The following PPDPFL variants were observed in gnomAD, a reference collection of about 807,000 sequenced individuals.
The protein encoded by PPDPFL is pancreatic progenitor cell differentiation and proliferation factor-like protein.
In PPDPFL, 12 loss-of-function variants were observed where a neutral mutation model predicts 12.6. The ratio of observed to expected loss-of-function variants is 0.95; its 90% CI spans 0.61 to 1.54. The LOEUF (loss-of-function observed/expected upper bound fraction) is 1.54, where lower values mean the gene tolerates loss of function less well. Among genes scored for constraint, PPDPFL ranks in the 40% most tolerant of loss-of-function variants. The pLI is 0.00. For missense variants in PPDPFL, 114 were observed against 96.0 expected, an observed-to-expected ratio of 1.19 and a Z score of -0.78; for synonymous variants, 24 against 32.7, an observed-to-expected ratio of 0.73 and a Z score of 0.91.
chr8:49,068,326 T>A (rs577585119), upstream of PPDPFL, among the ~76,000 whole-genome samples: 32 of 152,184 alleles, frequency 2.1e-4, no homozygotes, highest in African/African-American at 7.5e-4. Flanking sequence ...CTGAACACCA[T>A]GATGCCACTA....
chr8:49,074,819 A>G (rs1019009297), intron 4 of PPDPFL: 4 of 1,418,554 alleles, frequency 2.8e-6, no homozygotes, highest in Admixed American at 6.0e-5. Context: ...TGACTAGCAC[A>G]GTTGTAATTT....
chr8:49,074,221 T>C lies in PPDPFL; in HGVS notation c.134-13T>C. The C allele has an allele frequency of 6.2e-7, 1 of 1,612,864 alleles. No homozygotes were observed. The highest frequency in any genetic ancestry group is 8.5e-7 in the Non-Finnish European group (1 of 1,178,878). ...TTTGTTTGATAAGGAGTAACATGAA[T>C]TTTATTTAATAGGGTTGCCTGAAGT... On this transcript the variant is annotated splice_polypyrimidine_tract_variant and intron_variant, in intron 3 of 4. Transcript: ENST00000522267.
upstream of PPDPFL, among the ~76,000 whole-genome samples, chr8:49,068,138 C>T (rs11783904): frequency 0.16 from 25,024 of 152,162 alleles, 2,654 homozygotes; most frequent in Non-Finnish European, 0.24. Flanking sequence ...TTTTTAGAAC[C>T]TAAACTACCA....
intron 1 of PPDPFL, among the ~76,000 whole-genome samples, chr8:49,060,850 C>T (rs376185632): frequency 1.3e-5 from 2 of 152,032 alleles, no homozygotes; most frequent in African/African-American, 2.4e-5. Context: ...GCATACATTT[C>T]GTGTTTGAAA....
intron 2 of PPDPFL, 31 bp downstream of exon 2, chr8:49,072,916 G>T (rs537515453): frequency 6.4e-7 from 1 of 1,565,214 alleles, no homozygotes; most frequent in Non-Finnish European, 8.7e-7. Flanking sequence ...GACGTCCCTA[G>T]ATAATATGAT....
At chr8:49,062,655 C>G (rs1808230941) in intron 1 of PPDPFL, among the ~76,000 whole-genome samples, 1 of 152,126 alleles carries the variant, frequency 6.6e-6, no homozygotes, top group Admixed American at 6.5e-5. Context: ...GGCACTTAAT[C>G]ATCAGAAGCT....
intron 1 of PPDPFL, among the ~76,000 whole-genome samples, chr8:49,064,834 G>T (rs1808269395): frequency 6.6e-6 from 1 of 152,134 alleles, no homozygotes; most frequent in South Asian, 2.1e-4. Flanking sequence ...GAGTAATATA[G>T]ATCGGGGGAA....
chr8:49,061,142 A>C (rs1215459265), intron 1 of PPDPFL, among the ~76,000 whole-genome samples: 1 of 152,106 alleles, frequency 6.6e-6, no homozygotes, highest in Non-Finnish European at 1.5e-5. Flanking sequence ...CATGGGCTAT[A>C]CCGTGTCCCT....
At chr8:49,063,482 G>T (rs1283536879) in intron 1 of PPDPFL, among the ~76,000 whole-genome samples, 2 of 152,194 alleles carry the variant, frequency 1.3e-5, no homozygotes, top group Non-Finnish European at 2.9e-5. Flanking sequence ...CACTTTGGGA[G>T]GCTGTGGCAG....
In PPDPFL at chr8:49,074,056, C is replaced by T. The variant is rs1226713931; in HGVS notation, c.56-3C>T. On this transcript the variant is annotated splice_polypyrimidine_tract_variant and splice_region_variant and intron_variant, in intron 2 of 4. Transcript: ENST00000522267. ...TTTGTTTAATATCATTTGTTTCCTA[C>T]AGAGTCCAGTGTTTCTTCAGTTAGT... The T allele has an allele frequency of 3.1e-6, 5 of 1,603,526 alleles. No homozygotes were observed. The highest frequency in any genetic ancestry group is 3.3e-5 in the Admixed American group (2 of 59,872).
chr8:49,057,089 T>C (rs1387748402), intron 1 of PPDPFL, among the ~76,000 whole-genome samples: 1 of 152,176 alleles, frequency 6.6e-6, no homozygotes, highest in Non-Finnish European at 1.5e-5. Context: ...TTTTGAAAGC[T>C]TGTGACATAT....
At chr8:49,074,397 A>G (rs1230468702) in intron 4 of PPDPFL, 64 bp downstream of exon 4, 6 of 1,586,730 alleles carry the variant, frequency 3.8e-6, no homozygotes, top group East Asian at 4.5e-5. Flanking sequence ...TGCATATGGT[A>G]TGTGTTATGC....
chr8:49,054,969 A>T (rs1808090215), intron 1 of PPDPFL, among the ~76,000 whole-genome samples: 1 of 152,116 alleles, frequency 6.6e-6, no homozygotes, highest in South Asian at 2.1e-4. Flanking sequence ...TGTGCTTTTA[A>T]TTCTGGCTGA....
At position 49,074,186 on chromosome 8, in the gene PPDPFL, C is replaced by T. The variant is rs746571193; in HGVS notation, c.134-48C>T. 37 of 1,602,470 alleles carry T rather than the reference C, an allele frequency of 2.3e-5. No individual in the cohort carries two copies. The South Asian group carries it at 3.6e-4, about 16-fold the overall frequency. On this transcript the variant is annotated intron_variant, in intron 3 of 4. Coordinates refer to ENST00000522267, the MANE Select transcript of PPDPFL (RefSeq NM_001256597.2). ...CATCCTTATTATTTCTTTTTATTTT[C>T]AATCTCAAATTTGTTTGATAAGGAG...
intron 1 of PPDPFL, among the ~76,000 whole-genome samples, chr8:49,060,309 GT>G (rs1422973020): frequency 1.3e-5 from 2 of 151,772 alleles, no homozygotes; most frequent in African/African-American, 4.8e-5. Context: ...TCTGTTTTTT[GT>G]TTGTTTGTTT....
intron 1 of PPDPFL, among the ~76,000 whole-genome samples, chr8:49,057,176 T>C (rs972469399): frequency 6.6e-6 from 1 of 152,250 alleles, no homozygotes; most frequent in African/African-American, 2.4e-5. Context: ...TGCATTGTTT[T>C]AGCGAATGCA....
At position 49,060,127 on chromosome 8, in the gene PPDPFL, C is replaced by A. The variant is rs533899970; in HGVS notation, c.-45+5758C>A. ...GAGTACAGTAAAATAAATATTACTG[C>A]TAAAGCTATTCTTTTTTGTATGTGT... On this transcript the variant is annotated intron_variant, in intron 1 of 4. Coordinates refer to the PPDPFL transcript ENST00000517663. 2.1e-4 allele frequency among the ~76,000 whole-genome samples: 32 copies of A among 152,240 alleles called. 1 individual carries two copies. The highest frequency in any genetic ancestry group is 7.2e-4 in the African/African-American group (30 of 41,544).
chr8:49,074,371 T>C (rs1228346021), intron 4 of PPDPFL, 38 bp downstream of exon 4: 3 of 1,598,898 alleles, frequency 1.9e-6, no homozygotes, highest in East Asian at 2.2e-5. Flanking sequence ...CAGTTCTTAC[T>C]TAGTGAATGA....
At chr8:49,070,282 A>T (rs1808357218), upstream of PPDPFL, among the ~76,000 whole-genome samples, 1 of 152,162 alleles carries the variant, frequency 6.6e-6, no homozygotes, top group South Asian at 2.1e-4. Context: ...CAGGATAATA[A>T]CTAACGGGTA....
Sources: gnomAD v4.1 joint callset for allele counts (sites outside exome capture counted in the v4.1 genomes callset) on GRCh38, gnomAD v4.1.1 for gene constraint, MANE v1.5 for transcripts, NCBI Gene and HGNC (gene_info 2026-07-23, HGNC 2026-07-21) for gene names.